Variants in NKAIN1 observed in about 807,000 individuals in gnomAD.
NKAIN1 encodes sodium/potassium transporting ATPase interacting 1.
NKAIN1 carries 13 observed loss-of-function variants against 31.6 expected under a neutral mutation model. That is an observed-to-expected ratio of 0.41 (90% CI 0.27 to 0.65). The LOEUF is 0.65. Among genes scored for constraint, NKAIN1 ranks in the 30% least tolerant of loss-of-function variants. The pLI is 0.30. For synonymous variants in NKAIN1, 104 were observed against 109.0 expected (o/e 0.95, Z 0.28); for missense variants, 193 against 262.2 (o/e 0.74, Z 1.82).
At chr1:31,195,627 A>G (rs1016467095) in intron 1 of NKAIN1, among the ~76,000 whole-genome samples, 1 of 152,110 alleles carries the variant, frequency 6.6e-6, no homozygotes, top group African/African-American at 2.4e-5. Context: ...CATTAAAAAA[A>G]GAAAAAAAAA....
At position 31,181,673 on chromosome 1, in the gene NKAIN1, C is replaced by T; in HGVS notation, c.*30G>A. 1 of 1,455,924 alleles carries T rather than the reference C, an allele frequency of 6.9e-7. No individual in the cohort carries two copies. The allele number at this position is 1,455,924 out of a possible 1,614,324, so 90.2% of individuals were successfully genotyped here. ...CGCGGCAGCTGCGGTCAGCCCAGGG[C>T]GAGGCGCCGGGGTGGGCGCGGGGCA... On this transcript the variant is annotated 3_prime_UTR_variant, in exon 7 of 7. Transcript: ENST00000373736.
chr1:31,198,597 C>G (rs1240448917), intron 1 of NKAIN1, among the ~76,000 whole-genome samples: 3 of 152,104 alleles, frequency 2.0e-5, no homozygotes, highest in Admixed American at 1.3e-4. Context: ...CGTCCACTTT[C>G]TTTCACCTAG....
At chr1:31,191,768 C>T (rs1645287797) in intron 1 of NKAIN1, among the ~76,000 whole-genome samples, 1 of 152,078 alleles carries the variant, frequency 6.6e-6, no homozygotes, top group African/African-American at 2.4e-5. Flanking sequence ...TTGCCTTTGC[C>T]TTATTTTTTA....
At chr1:31,185,200 G>A (rs898682297) in intron 3 of NKAIN1, 47 bp downstream of exon 3, 6 of 1,490,856 alleles carry the variant, frequency 4.0e-6, no homozygotes, top group Admixed American at 3.6e-5. Context: ...GCAGGGGATG[G>A]GAATGGTCAG....
rs763597532 is a variant in NKAIN1 at position 31,183,798 on chromosome 1, G to C, written c.471+19C>G. On this transcript the variant is annotated intron_variant, in intron 4 of 6. Coordinates refer to ENST00000373736, the MANE Select transcript of NKAIN1 (RefSeq NM_024522.3). Reference sequence around the variant, plus strand: ...AGGGATCGGGAAGTGTGTGTAGGGTGGGGGACAGAAGGACTTACTGCCAGG... The same window carrying C: ...AGGGATCGGGAAGTGTGTGTAGGGTCGGGGACAGAAGGACTTACTGCCAGG... 21 of 1,604,260 alleles carry C rather than the reference G, an allele frequency of 1.3e-5. No individual in the cohort carries two copies. Among genetic ancestry groups the C allele is most frequent in the Non-Finnish European group, 1.7e-5 (20 of 1,174,274 alleles).
At chr1:31,230,681 C>T (rs1017958024) in intron 1 of NKAIN1, among the ~76,000 whole-genome samples, 4 of 152,150 alleles carry the variant, frequency 2.6e-5, no homozygotes, top group African/African-American at 4.8e-5. Flanking sequence ...GCTCTCCCCC[C>T]ATGGCCTGGA....
At chr1:31,236,710 A>G (rs1367300020) in intron 1 of NKAIN1, among the ~76,000 whole-genome samples, 1 of 152,184 alleles carries the variant, frequency 6.6e-6, no homozygotes, top group Non-Finnish European at 1.5e-5. Flanking sequence ...GAGAAACCAG[A>G]ATGCCACCCA....
chr1:31,188,408 A>G, intron 1 of NKAIN1: 1 of 519,900 alleles, frequency 1.9e-6, no homozygotes, highest in Admixed American at 3.5e-5. Flanking sequence ...GGTTCAGAAC[A>G]CCTTCCTCCC....
intron 1 of NKAIN1, among the ~76,000 whole-genome samples, chr1:31,218,076 T>TTCTCTCTCTCTCTCTTTC (rs1645532297): frequency 1.6e-5 from 1 of 61,054 alleles, no homozygotes; most frequent in African/African-American, 4.6e-5. Context: ...TTCTTTTTTT[T>TTCTCTCTCTCTCTCTTTC]TTTTGAGATG....
intron 1 of NKAIN1, among the ~76,000 whole-genome samples, chr1:31,197,352 CCG>C (rs530543673): frequency 6.8e-4 from 103 of 151,084 alleles, no homozygotes; most frequent in African/African-American, 2.4e-3. Context: ...ACCTCGTGAT[CCG>C]CCCGCCTCAG....
At chr1:31,211,875 G>A (rs543387486) in intron 1 of NKAIN1, among the ~76,000 whole-genome samples, 86 of 152,296 alleles carry the variant, frequency 5.6e-4, no homozygotes, top group African/African-American at 2.0e-3. Context: ...CCAGGAGGCG[G>A]AGGTTGCAAT....
At chr1:31,235,477 G>A (rs1048894506) in intron 1 of NKAIN1, among the ~76,000 whole-genome samples, 1 of 152,074 alleles carries the variant, frequency 6.6e-6, no homozygotes, top group African/African-American at 2.4e-5. Flanking sequence ...CTATTTGAGA[G>A]GCCGAGGTAG....
chr1:31,191,101 G>A (rs1336957250), intron 1 of NKAIN1, among the ~76,000 whole-genome samples: 1 of 152,184 alleles, frequency 6.6e-6, no homozygotes, highest in Non-Finnish European at 1.5e-5. Flanking sequence ...GACCAGCCTG[G>A]CCAACATGGT....
rs1256892283 is a variant in NKAIN1 at position 31,181,452 on chromosome 1, A to AAAAAACC, written c.*244_*250dup. ...GATTAAAAACAAACAAACAAAAAAC[A>AAAAAACC]AAAAACCCGTGGTGCCCCTCCCCCG... On this transcript the variant is annotated 3_prime_UTR_variant, in exon 7 of 7. Transcript: ENST00000373736. 9.8e-6 allele frequency: 4 copies of AAAAAACC among 406,880 alleles called. No individual in the cohort carries two copies. Among genetic ancestry groups the AAAAAACC allele is most frequent in the African/African-American group, 6.2e-5 (3 of 48,486 alleles). The allele number at this position is 406,880 out of a possible 1,614,324, so 25.2% of individuals were successfully genotyped here. A position where few individuals can be genotyped will look rare whatever the true frequency, so the allele number is the denominator to read the frequency against.
In NKAIN1 at chr1:31,233,034, C is replaced by T. The variant is rs542135765; in HGVS notation, c.54+6460G>A. Among the ~76,000 whole-genome samples, 33 of 152,142 alleles carry T rather than the reference C, an allele frequency of 2.2e-4. No individual in the cohort carries two copies. The South Asian group carries it at 5.8e-3, about 27-fold the overall frequency. The stretch of plus-strand genomic sequence containing the variant: ...CAGCTCCTTGGCACACTGCAACCTC[C>T]GCCTCCCAGGTTCAAATGATTCTCT... On this transcript the variant is annotated intron_variant, in intron 1 of 6. Coordinates refer to ENST00000373736, the MANE Select transcript of NKAIN1 (RefSeq NM_024522.3). This position sits in a 1 kb window ranked among gnomAD's most constrained non-coding sequence, Gnocchi z 4.0.
chr1:31,191,290 CA>C (rs1261608850), intron 1 of NKAIN1, among the ~76,000 whole-genome samples: 1,735 of 94,540 alleles, frequency 0.018, 8 homozygotes, highest in Middle Eastern at 0.042. Context: ...GACTCTGTCT[CA>C]AAAAAAAAAA....
intron 1 of NKAIN1, among the ~76,000 whole-genome samples, chr1:31,237,881 A>T (rs141853749): frequency 3.2e-4 from 48 of 149,056 alleles, no homozygotes; most frequent in African/African-American, 1.1e-3. Flanking sequence ...TTTTCTAATT[A>T]AAAAAAACCC....
In NKAIN1 at chr1:31,200,754, T is replaced by C. The variant is rs1172280919; in HGVS notation, c.55-12567A>G. On this transcript the variant is annotated intron_variant, in intron 1 of 6. Coordinates refer to ENST00000373736, the MANE Select transcript of NKAIN1 (RefSeq NM_024522.3). Reference sequence around the variant, plus strand: ...TTGGGATTACAGGTGTGAGCCACTGTGCCCGGCCACATTTATTTATCTCCT... The same window carrying C: ...TTGGGATTACAGGTGTGAGCCACTGCGCCCGGCCACATTTATTTATCTCCT... Among the ~76,000 whole-genome samples the C allele has an allele frequency of 2.0e-5, 3 of 152,130 alleles. No homozygotes were observed. In the East Asian group the frequency reaches 5.8e-4, roughly 29 times the overall value.
At chr1:31,182,236 G>A (rs1645208258) in intron 5 of NKAIN1, among the ~76,000 whole-genome samples, 1 of 152,090 alleles carries the variant, frequency 6.6e-6, no homozygotes, top group Non-Finnish European at 1.5e-5. Flanking sequence ...TCCTATGGGA[G>A]AGAAGGCTCT....
Sources: allele counts gnomAD v4.1 joint callset (sites outside exome capture counted in the v4.1 genomes callset), GRCh38; gene constraint gnomAD v4.1.1; non-coding constraint Gnocchi (gnomAD v3.1); transcripts MANE v1.5; gene names NCBI Gene and HGNC (gene_info 2026-07-23, HGNC 2026-07-21).